The following IL1R1 variants were observed in gnomAD, a reference collection of about 807,000 sequenced individuals.
The protein encoded by IL1R1 is interleukin-1 receptor type 1.
In IL1R1, 22 loss-of-function variants were observed where a neutral mutation model predicts 50.2. The observed-to-expected ratio is 0.44, with a 90% CI of 0.31 to 0.63. The LOEUF (loss-of-function observed/expected upper bound fraction) is 0.63, where lower values mean the gene tolerates loss of function less well. IL1R1 is among the 20% of genes least tolerant of loss of function. IL1R1 has a pLI of 0.07. For synonymous variants in IL1R1, 251 were observed against 236.7 expected, an observed-to-expected ratio of 1.06 and a Z score of -0.55; for missense variants, 509 against 676.2, an observed-to-expected ratio of 0.75 and a Z score of 2.74.
upstream of IL1R1, among the ~76,000 whole-genome samples, chr2:102,099,631 G>A (rs1023253611): frequency 5.9e-5 from 9 of 152,142 alleles, no homozygotes; most frequent in African/African-American, 9.7e-5. Context: ...TGACAAGAGC[G>A]TGTCTGAGGG....
intron 1 of IL1R1, among the ~76,000 whole-genome samples, chr2:102,088,989 T>C (rs1047002590): frequency 2.0e-5 from 3 of 152,236 alleles, no homozygotes; most frequent in Non-Finnish European, 4.4e-5. Context: ...TAAGAGAATG[T>C]TGGGTCTGTT....
chr2:102,094,869 A>T (rs1679831983), intron 1 of IL1R1, among the ~76,000 whole-genome samples: 1 of 152,108 alleles, frequency 6.6e-6, no homozygotes, highest in Non-Finnish European at 1.5e-5. Flanking sequence ...GTATATTTCC[A>T]TTGATATAAT....
chr2:102,175,682 T>G (rs373096001), intron 11 of IL1R1, 37 bp downstream of exon 11: 6 of 1,583,220 alleles, frequency 3.8e-6, no homozygotes, highest in Non-Finnish European at 4.3e-6. Context: ...GGCTTATTGT[T>G]GTAAAACTAC....
At chr2:102,158,163 C>T (rs1191748576) in intron 3 of IL1R1, among the ~76,000 whole-genome samples, 1 of 152,186 alleles carries the variant, frequency 6.6e-6, no homozygotes, top group East Asian at 1.9e-4. Context: ...CTTTATGAAC[C>T]CACAGCTGGA....
At chr2:102,105,568 G>A (rs901328603) in intron 1 of IL1R1, among the ~76,000 whole-genome samples, 2 of 152,136 alleles carry the variant, frequency 1.3e-5, no homozygotes, top group Admixed American at 6.5e-5. Flanking sequence ...TTTTCACTGT[G>A]TTAGCCAGGA....
At chr2:102,167,178 T>C (rs1416701570) in intron 6 of IL1R1, among the ~76,000 whole-genome samples, 1 of 152,214 alleles carries the variant, frequency 6.6e-6, no homozygotes, top group Non-Finnish European at 1.5e-5. Flanking sequence ...GATCACCCTA[T>C]AAATAGCTTC....
intron 1 of IL1R1, among the ~76,000 whole-genome samples, chr2:102,107,928 TA>T (rs1015071910): frequency 2.0e-5 from 3 of 152,176 alleles, no homozygotes; most frequent in African/African-American, 4.8e-5. Context: ...ACCGATTGAG[TA>T]ACCTGGGGTA....
At chr2:102,094,776 A>G (rs1255578430) in intron 1 of IL1R1, among the ~76,000 whole-genome samples, 10 of 152,190 alleles carry the variant, frequency 6.6e-5, no homozygotes, top group Non-Finnish European at 1.5e-4. Flanking sequence ...AGAAATATAT[A>G]TATTTTTCTT....
chr2:102,171,634 C>A (rs771226479), intron 7 of IL1R1, among the ~76,000 whole-genome samples, 167 bp from the exon 8 acceptor site: 1 of 152,040 alleles, frequency 6.6e-6, no homozygotes. Flanking sequence ...AGGAATGAGA[C>A]GCATAAGGTT....
chr2:102,156,715 G>C (rs1684229775), intron 2 of IL1R1, among the ~76,000 whole-genome samples: 1 of 152,120 alleles, frequency 6.6e-6, no homozygotes, highest in Non-Finnish European at 1.5e-5. Flanking sequence ...GTTTCATCAT[G>C]TTGGCCAGGC....
At chr2:102,170,252 G>T (rs1253910020) in intron 7 of IL1R1, among the ~76,000 whole-genome samples, 1 of 152,156 alleles carries the variant, frequency 6.6e-6, no homozygotes, top group Admixed American at 6.5e-5. Context: ...GGGATTGAGA[G>T]ATATTTCCTT....
At chr2:102,116,290 A>G (rs192357639) in intron 1 of IL1R1, among the ~76,000 whole-genome samples, 1 of 152,360 alleles carries the variant, frequency 6.6e-6, no homozygotes, top group East Asian at 1.9e-4. Flanking sequence ...TTGGCAAGTA[A>G]TAACAGTGAA....
chr2:102,130,685 CT>C (rs1423291367), intron 1 of IL1R1, among the ~76,000 whole-genome samples: 3 of 123,094 alleles, frequency 2.4e-5, no homozygotes, highest in African/African-American at 9.3e-5. Context: ...ATATCAAAAA[CT>C]TTTTCAACCA....
chr2:102,103,515 G>A (rs987135540), upstream of IL1R1, among the ~76,000 whole-genome samples: 2 of 152,140 alleles, frequency 1.3e-5, no homozygotes, highest in African/African-American at 4.8e-5. Context: ...TCTTGGAAAG[G>A]GTAGCGGGAA....
chr2:102,144,760 A>G (rs1320216507), intron 1 of IL1R1, among the ~76,000 whole-genome samples: 1 of 152,174 alleles, frequency 6.6e-6, no homozygotes, highest in Non-Finnish European at 1.5e-5. Flanking sequence ...CTGGCTACCT[A>G]GAGGACACCA....
intron 1 of IL1R1, among the ~76,000 whole-genome samples, chr2:102,089,571 A>G (rs984694040): frequency 2.0e-5 from 3 of 152,206 alleles, no homozygotes; most frequent in Admixed American, 1.3e-4. Flanking sequence ...AGCCAGATGC[A>G]TGGTTGCCAC....
Position 102,177,259 on chromosome 2 carries a change from C to T in IL1R1, c.*500C>T, listed in dbSNP as rs573592615. The T allele has an allele frequency of 3.8e-5, 6 of 159,026 alleles. No homozygotes were observed. In the South Asian group the frequency reaches 1.1e-3, roughly 28 times the overall value. The allele number at this position is 159,026 out of a possible 1,614,324, so 9.9% of individuals were successfully genotyped here. Reference sequence around the variant, plus strand: ...CTAGCCTGGCAACAGAGCAAGACTCCGTCTCAAAAAAAGGGCAATAAATGC... The same window carrying T: ...CTAGCCTGGCAACAGAGCAAGACTCTGTCTCAAAAAAAGGGCAATAAATGC... On this transcript the variant is annotated 3_prime_UTR_variant, in exon 12 of 12. Coordinates refer to ENST00000410023, the MANE Select transcript of IL1R1 (RefSeq NM_000877.4).
intron 3 of IL1R1, among the ~76,000 whole-genome samples, chr2:102,163,086 T>C (rs1684871648): frequency 6.6e-6 from 1 of 152,202 alleles, no homozygotes; most frequent in African/African-American, 2.4e-5. Context: ...TTCTGGCTTG[T>C]ATTGTTTTTG....
Position 102,112,645 on chromosome 2 carries a change from G to T in IL1R1, c.-84+7773G>T, listed in dbSNP as rs6745603. Among the ~76,000 whole-genome samples, 1,503 of 152,238 alleles carry T rather than the reference G, an allele frequency of 9.9e-3. 24 individuals carry two copies. The highest frequency in any genetic ancestry group is 0.033 in the African/African-American group (1,378 of 41,530). On this transcript the variant is annotated intron_variant, in intron 1 of 10. Transcript: ENST00000409329. ...ATGCCAGGTAAAAGAGGAAGCAAAAGGTGTGTTTACCATAGAAAAGTCTAG... is the reference window on the plus strand; with the variant it reads ...ATGCCAGGTAAAAGAGGAAGCAAAATGTGTGTTTACCATAGAAAAGTCTAG...
Sources: allele counts gnomAD v4.1 joint callset (sites outside exome capture counted in the v4.1 genomes callset), GRCh38; gene constraint gnomAD v4.1.1; transcripts MANE v1.5; gene names NCBI Gene and HGNC (gene_info 2026-07-23, HGNC 2026-07-21).